C1orf146: variants seen among roughly 807,000 people sequenced by gnomAD.
The protein encoded by C1orf146 is chromosome 1 open reading frame 146.
In C1orf146, 22 loss-of-function variants were observed where a neutral mutation model predicts 23.0. That is an observed-to-expected ratio of 0.96 (90% CI 0.68 to 1.36). The LOEUF (loss-of-function observed/expected upper bound fraction) is 1.36. Among genes scored for constraint, C1orf146 ranks in the 40% most tolerant of loss-of-function variants. The pLI is 0.00. For missense variants in C1orf146, 199 were observed against 206.8 expected (o/e 0.96, Z 0.23); for synonymous variants, 59 against 65.3 (o/e 0.90, Z 0.47).
intron 1 of C1orf146, among the ~76,000 whole-genome samples, chr1:92,220,808 A>G (rs1359558871): frequency 6.6e-6 from 1 of 152,260 alleles, no homozygotes; most frequent in Non-Finnish European, 1.5e-5. Context: ...AAAAGCATGA[A>G]GAATGAAGTT....
At chr1:92,237,493 G>A (rs925071865) in intron 2 of C1orf146, among the ~76,000 whole-genome samples, 2 of 152,282 alleles carry the variant, frequency 1.3e-5, no homozygotes, top group African/African-American at 2.4e-5. Flanking sequence ...GTACCCGGCC[G>A]TATGAGGTGT....
chr1:92,227,169 A>G (rs1651988210), intron 1 of C1orf146, among the ~76,000 whole-genome samples: 2 of 152,208 alleles, frequency 1.3e-5, no homozygotes, highest in Admixed American at 6.5e-5. Context: ...ACATATTTAC[A>G]GTTCTCCTTT....
chr1:92,245,314 A>G (rs759580348), intron 5 of C1orf146, among the ~76,000 whole-genome samples: 1 of 152,148 alleles, frequency 6.6e-6, no homozygotes, highest in Non-Finnish European at 1.5e-5. Context: ...ACATATCCCC[A>G]TTAAAGCAAT....
intron 2 of C1orf146, among the ~76,000 whole-genome samples, chr1:92,239,917 C>G (rs544281810): frequency 3.3e-5 from 5 of 152,314 alleles, no homozygotes; most frequent in Admixed American, 3.3e-4. Context: ...ACTCCTAAGG[C>G]ATCTCTTTTA....
At chr1:92,227,634 A>C (rs936975155) in intron 1 of C1orf146, among the ~76,000 whole-genome samples, 1 of 152,084 alleles carries the variant, frequency 6.6e-6, no homozygotes, top group Non-Finnish European at 1.5e-5. Flanking sequence ...TTTTGTCATA[A>C]AATTTTTCTT....
intron 2 of C1orf146, chr1:92,241,050 T>C (rs894854616): frequency 1.4e-5 from 5 of 353,914 alleles, no homozygotes; most frequent in African/African-American, 1.1e-4. Flanking sequence ...AACTGATGAA[T>C]TGTCAAATTG....
rs780689449 is a variant in C1orf146, at chr1:92,225,503, A to G, written c.-39-5879A>G. 2.0e-5 allele frequency among the ~76,000 whole-genome samples: 3 copies of G among 152,156 alleles called. No homozygotes were observed. The South Asian group carries it at 6.2e-4, about 32-fold the overall frequency. ...TTTATGTTTGTTTTCACTCATTTCA[A>G]AATATTGCCTAACATCCATTATGAT... On this transcript the variant is annotated intron_variant, in intron 1 of 5. Transcript: ENST00000370375.
At chr1:92,224,020 ATTTATTTAT>A (rs1651903824) in intron 1 of C1orf146, among the ~76,000 whole-genome samples, 1 of 63,104 alleles carries the variant, frequency 1.6e-5, no homozygotes, top group Non-Finnish European at 3.6e-5. Flanking sequence ...TATTTTATTT[ATTTATTTAT>A]TTATTTATTT....
At chr1:92,240,659 CA>C (rs1652411623) in intron 2 of C1orf146, 1 of 157,126 alleles carries the variant, frequency 6.4e-6, no homozygotes, top group Non-Finnish European at 1.4e-5. Context: ...TGGAAACTAA[CA>C]AGTTTGAGTT....
chr1:92,219,875 C>T (rs1490444991), intron 1 of C1orf146, among the ~76,000 whole-genome samples: 3 of 152,232 alleles, frequency 2.0e-5, no homozygotes, highest in South Asian at 4.1e-4. Context: ...TGGAATTATT[C>T]TGCACAGATT....
At chr1:92,230,300 C>T (rs568308824) in intron 1 of C1orf146, among the ~76,000 whole-genome samples, 11 of 146,080 alleles carry the variant, frequency 7.5e-5, no homozygotes, top group South Asian at 2.3e-4. Flanking sequence ...TGCCCCCGAT[C>T]TCCACAATAA....
At chr1:92,229,532 CTT>C in intron 1 of C1orf146, 4 of 404,148 alleles carry the variant, frequency 9.9e-6, no homozygotes, top group South Asian at 8.3e-5. Flanking sequence ...GTTTGGCTAA[CTT>C]TTCTTGATTT....
At chr1:92,239,139 T>A (rs1652370016) in intron 2 of C1orf146, among the ~76,000 whole-genome samples, 1 of 152,200 alleles carries the variant, frequency 6.6e-6, no homozygotes, top group Admixed American at 6.5e-5. Flanking sequence ...TTTGCCAAAA[T>A]TCTCAAGCTA....
At chr1:92,234,145 A>G (rs1010822061) in intron 2 of C1orf146, among the ~76,000 whole-genome samples, 83 of 152,248 alleles carry the variant, frequency 5.5e-4, no homozygotes, top group Admixed American at 9.8e-4. Context: ...TTCCAACACT[A>G]TGTTGAATAG....
chr1:92,222,781 T>C (rs1651865753), intron 1 of C1orf146, among the ~76,000 whole-genome samples: 1 of 151,806 alleles, frequency 6.6e-6, no homozygotes, highest in Admixed American at 6.6e-5. Flanking sequence ...AGAGATGGGG[T>C]TTCACCATGT....
intron 2 of C1orf146, among the ~76,000 whole-genome samples, chr1:92,232,683 C>T (rs534133240): frequency 6.6e-6 from 1 of 151,752 alleles, no homozygotes; most frequent in East Asian, 1.9e-4. Context: ...GGAATCACCA[C>T]ACTGTCTTCC....
At chr1:92,230,668 T>C (rs1410300560) in intron 1 of C1orf146, among the ~76,000 whole-genome samples, 1 of 151,784 alleles carries the variant, frequency 6.6e-6, no homozygotes, top group Non-Finnish European at 1.5e-5. Context: ...TAGTCCTAGC[T>C]ACTTGGGAAG....
intron 1 of C1orf146, chr1:92,228,913 A>T: frequency 2.4e-6 from 1 of 420,182 alleles, no homozygotes. Context: ...CTTATTCCAG[A>T]TTCGTGAGGC....
At chr1:92,245,335 T>C (rs1396055032) in intron 5 of C1orf146, among the ~76,000 whole-genome samples, 1 of 152,196 alleles carries the variant, frequency 6.6e-6, no homozygotes, top group East Asian at 1.9e-4. Flanking sequence ...TTTTATATAT[T>C]CTACTTTTTG....
Sources: allele counts gnomAD v4.1 joint callset (sites outside exome capture counted in the v4.1 genomes callset), GRCh38; gene constraint gnomAD v4.1.1; transcripts MANE v1.5; gene names NCBI Gene and HGNC (gene_info 2026-07-23, HGNC 2026-07-21).